The following SNTG1 variants were observed in gnomAD, a reference collection of about 807,000 sequenced individuals.
The protein encoded by SNTG1 is gamma-1-syntrophin.
A neutral mutation model predicts 74.7 loss-of-function variants in SNTG1; 39 were observed. The ratio of observed to expected loss-of-function variants is 0.52; its 90% confidence interval spans 0.40 to 0.68. The LOEUF (loss-of-function observed/expected upper bound fraction) is 0.68. Ranked by LOEUF, SNTG1 falls within the 30% of genes least tolerant of loss-of-function variation. SNTG1 has a pLI of 0.00. For missense variants in SNTG1, 685 were observed against 609.5 expected, an observed-to-expected ratio of 1.12 and a Z score of -1.30; for synonymous variants, 254 against 217.1, an observed-to-expected ratio of 1.17 and a Z score of -1.49.
At chr8:50,472,356 T>C (rs553033084) in intron 8 of SNTG1, among the ~76,000 whole-genome samples, 1 of 152,312 alleles carries the variant, frequency 6.6e-6, no homozygotes, top group Non-Finnish European at 1.5e-5. Context: ...ACATTGTAGA[T>C]GTGATGAAGA....
intron 1 of SNTG1, among the ~76,000 whole-genome samples, chr8:50,136,916 C>A (rs2081493077): frequency 6.6e-6 from 1 of 151,952 alleles, no homozygotes; most frequent in Non-Finnish European, 1.5e-5. Flanking sequence ...TTAAAACCAA[C>A]ACATTTTAAC....
At chr8:50,769,379 T>C (rs1157659817) in intron 18 of SNTG1, among the ~76,000 whole-genome samples, 1 of 151,996 alleles carries the variant, frequency 6.6e-6, no homozygotes, top group Non-Finnish European at 1.5e-5. Flanking sequence ...TAAGAACATT[T>C]TGAAAATCAG....
At chr8:49,979,103 G>T (rs752299817) in intron 1 of SNTG1, among the ~76,000 whole-genome samples, 33 of 152,222 alleles carry the variant, frequency 2.2e-4, no homozygotes, top group African/African-American at 8.0e-4. Context: ...TAAGATTTTG[G>T]AGAAGAATGA....
chr8:50,520,300 T>A (rs183201826), intron 9 of SNTG1, among the ~76,000 whole-genome samples: 1 of 152,320 alleles, frequency 6.6e-6, no homozygotes, highest in East Asian at 1.9e-4. Context: ...TCAAGATGGA[T>A]TGAAGACTTA....
intron 1 of SNTG1, among the ~76,000 whole-genome samples, chr8:49,917,212 A>T (rs1271401369): frequency 1.3e-5 from 2 of 152,050 alleles, no homozygotes; most frequent in African/African-American, 4.8e-5. Context: ...TGGGTAAATC[A>T]CTTTATCTTA....
intron 12 of SNTG1, among the ~76,000 whole-genome samples, chr8:50,568,227 T>TTGTTTGTGTG (rs140888701): frequency 0.067 from 9,779 of 146,300 alleles, 713 homozygotes; most frequent in African/African-American, 0.16. Flanking sequence ...TTGTCCATGT[T>TTGTTTGTGTG]TGTGTGTGTG....
chr8:50,377,438 C>T (rs948372842), intron 2 of SNTG1, among the ~76,000 whole-genome samples: 11 of 151,982 alleles, frequency 7.2e-5, no homozygotes, highest in Non-Finnish European at 1.3e-4. Context: ...TTTTGGAAAA[C>T]GTTTTATGTT....
intron 12 of SNTG1, chr8:50,575,656 T>G (rs2094572871): frequency 6.6e-6 from 1 of 152,238 alleles, no homozygotes; most frequent in Non-Finnish European, 1.5e-5. Context: ...ATTGCTTGTG[T>G]GTCCTCTGTA....
At chr8:50,742,304 A>G (rs566902522) in intron 17 of SNTG1, among the ~76,000 whole-genome samples, 1 of 152,028 alleles carries the variant, frequency 6.6e-6, no homozygotes, top group Non-Finnish European at 1.5e-5. Flanking sequence ...ATTTTAAATG[A>G]TTGAAATTAT....
At chr8:50,560,579 G>A (rs2094481571) in intron 12 of SNTG1, among the ~76,000 whole-genome samples, 1 of 152,192 alleles carries the variant, frequency 6.6e-6, no homozygotes, top group Admixed American at 6.5e-5. Context: ...GGACATGGAT[G>A]GAGCTGGAAG....
At chr8:50,303,539 TA>T (rs2089744469) in intron 2 of SNTG1, among the ~76,000 whole-genome samples, 1 of 152,090 alleles carries the variant, frequency 6.6e-6, no homozygotes, top group Non-Finnish European at 1.5e-5. Context: ...CTACCTAACC[TA>T]TATAATATGT....
At chr8:50,120,433 A>G (rs1296695743) in intron 1 of SNTG1, among the ~76,000 whole-genome samples, 1 of 139,848 alleles carries the variant, frequency 7.2e-6, no homozygotes, top group African/African-American at 2.6e-5. Context: ...TACTACTACT[A>G]CCACCACCAC....
At position 49,955,403 on chromosome 8, in the gene SNTG1, G is replaced by A. The variant is rs1250964522; in HGVS notation, c.-103+43172G>A. Reference sequence around the variant, plus strand: ...GGAGCTCAGCACGCACATTGCCCTGGCACCTCAGGTGAGGCAGAGCCTTGC... The same window carrying A: ...GGAGCTCAGCACGCACATTGCCCTGACACCTCAGGTGAGGCAGAGCCTTGC... On this transcript the variant is annotated intron_variant, in intron 1 of 18. Coordinates refer to ENST00000642720, the MANE Select transcript of SNTG1 (RefSeq NM_018967.5). 2.0e-5 allele frequency among the ~76,000 whole-genome samples: 3 copies of A among 152,300 alleles called. No homozygotes were observed. In the East Asian group the frequency reaches 5.8e-4, roughly 29 times the overall value.
chr8:50,366,145 C>T (rs1032356356), intron 2 of SNTG1, among the ~76,000 whole-genome samples: 3 of 152,096 alleles, frequency 2.0e-5, no homozygotes, highest in African/African-American at 7.2e-5. Flanking sequence ...AAGCATGAAA[C>T]ATTGGGATCT....
chr8:50,742,546 A>T (rs1443600400), intron 17 of SNTG1, among the ~76,000 whole-genome samples: 1 of 151,884 alleles, frequency 6.6e-6, no homozygotes, highest in East Asian at 1.9e-4. Flanking sequence ...GTATATATAT[A>T]TTAAAAAAGA....
intron 15 of SNTG1, among the ~76,000 whole-genome samples, chr8:50,673,176 A>C (rs977951637): frequency 6.6e-6 from 1 of 152,170 alleles, no homozygotes; most frequent in Admixed American, 6.6e-5. Flanking sequence ...CTTTGATTTC[A>C]CATGAAATTT....
At chr8:50,170,485 C>A (rs2082767644) in intron 1 of SNTG1, among the ~76,000 whole-genome samples, 1 of 152,046 alleles carries the variant, frequency 6.6e-6, no homozygotes, top group Admixed American at 6.6e-5. Context: ...AAAAAAAAAT[C>A]TGGAATCACA....
intron 11 of SNTG1, among the ~76,000 whole-genome samples, chr8:50,546,884 C>A (rs1278527190): frequency 6.6e-6 from 1 of 152,076 alleles, no homozygotes. Context: ...TGAGTTCAAA[C>A]AATTTTCCTG....
chr8:50,078,107 T>C (rs1822065727), intron 1 of SNTG1, among the ~76,000 whole-genome samples: 1 of 152,232 alleles, frequency 6.6e-6, no homozygotes, highest in Non-Finnish European at 1.5e-5. Context: ...GAAACCTTAC[T>C]GCTGAACTAC....
Sources: allele counts gnomAD v4.1 joint callset (sites outside exome capture counted in the v4.1 genomes callset), GRCh38; gene constraint gnomAD v4.1.1; transcripts MANE v1.5; gene names NCBI Gene and HGNC (gene_info 2026-07-23, HGNC 2026-07-21).